Variants in CREB5 observed in about 807,000 individuals in gnomAD.
CREB5 encodes cAMP responsive element binding protein 5.
CREB5 carries 19 observed loss-of-function variants against 57.1 expected under a neutral mutation model. The observed-to-expected ratio is 0.33, with a 90% CI of 0.23 to 0.49. The LOEUF (loss-of-function observed/expected upper bound fraction) is 0.49. Among genes scored for constraint, CREB5 ranks in the 20% least tolerant of loss-of-function variants. CREB5 has a pLI of 0.99. For missense variants in CREB5, 579 were observed against 671.6 expected, an observed-to-expected ratio of 0.86 and a Z score of 1.52; for synonymous variants, 238 against 238.3, an observed-to-expected ratio of 1.00 and a Z score of 0.01.
intron 5 of CREB5, among the ~76,000 whole-genome samples, chr7:28,627,239 A>C (rs981519436): frequency 1.1e-4 from 17 of 152,220 alleles, no homozygotes; most frequent in African/African-American, 4.1e-4. Flanking sequence ...GGAGTTTCTG[A>C]TAGCCCAGCA....
chr7:28,725,571 A>G (rs745965523), intron 7 of CREB5, among the ~76,000 whole-genome samples: 3 of 152,070 alleles, frequency 2.0e-5, no homozygotes, highest in Non-Finnish European at 4.4e-5. Context: ...GAGCCAAACC[A>G]AATACTTGCT....
intron 1 of CREB5, among the ~76,000 whole-genome samples, chr7:28,432,747 C>T (rs1283604560): frequency 6.6e-6 from 1 of 152,180 alleles, no homozygotes; most frequent in Non-Finnish European, 1.5e-5. Flanking sequence ...ATTCCCTCAA[C>T]TTTCTTCTTT....
intron 4 of CREB5, among the ~76,000 whole-genome samples, chr7:28,560,730 AC>A (rs528162041): frequency 4.6e-5 from 7 of 151,844 alleles, no homozygotes; most frequent in Admixed American, 3.3e-4. Flanking sequence ...AGACCTGCTG[AC>A]CAGCCCTTTG....
At chr7:28,625,838 A>G (rs952686080) in intron 5 of CREB5, among the ~76,000 whole-genome samples, 5 of 152,248 alleles carry the variant, frequency 3.3e-5, no homozygotes, top group African/African-American at 1.2e-4. Flanking sequence ...TTAAAATGAC[A>G]TAATATCATA....
At chr7:28,563,940 G>A (rs1033967078) in intron 4 of CREB5, among the ~76,000 whole-genome samples, 1 of 152,142 alleles carries the variant, frequency 6.6e-6, no homozygotes, top group East Asian at 1.9e-4. Flanking sequence ...TGGTCATGGG[G>A]CAGCCTGTCC....
rs201358662 is a variant in CREB5 at position 28,438,894 on chromosome 7, G to A, written c.3+25977G>A. Among the ~76,000 whole-genome samples, 3 of 152,094 alleles carry A rather than the reference G, an allele frequency of 2.0e-5. No homozygotes were observed. In the East Asian group the frequency reaches 5.8e-4, roughly 29 times the overall value. ...TCCAACAGCAAGTTTTGAAATACAG[G>A]TCCAACATTTTTGTGGGAAAGGAGC... is the stretch of plus-strand genomic sequence containing the variant. On this transcript the variant is annotated intron_variant, in intron 1 of 10. Coordinates refer to ENST00000357727, the MANE Select transcript of CREB5 (RefSeq NM_182898.4).
At chr7:28,621,322 T>C (rs544138171) in intron 5 of CREB5, among the ~76,000 whole-genome samples, 1 of 152,258 alleles carries the variant, frequency 6.6e-6, no homozygotes, top group East Asian at 1.9e-4. Context: ...TGGGTTATGA[T>C]AGTTATGAAC....
chr7:28,490,476 G>T lies in CREB5; in HGVS notation c.75+2230G>T, dbSNP rs148707102. 3.8e-3 allele frequency among the ~76,000 whole-genome samples: 574 copies of T among 152,358 alleles called. 9 individuals carry two copies. Among genetic ancestry groups the T allele is most frequent in the African/African-American group, 0.013 (540 of 41,594 alleles). The stretch of plus-strand genomic sequence containing the variant: ...CAGGGTTGTGTAGGACAGTAGAGGA[G>T]AGTGTTTCAAGGAAGGGGCTGTAAG... On this transcript the variant is annotated intron_variant, in intron 2 of 10. Transcript: ENST00000357727.
chr7:28,716,495 T>G (rs60929414), intron 5 of CREB5, among the ~76,000 whole-genome samples: 18,105 of 152,172 alleles, frequency 0.12, 1,284 homozygotes, highest in Non-Finnish European at 0.15. Flanking sequence ...TCTATTGAGA[T>G]GGATATATAG....
intron 7 of CREB5, among the ~76,000 whole-genome samples, chr7:28,752,943 CAT>C (rs140077498): frequency 0.04 from 6,061 of 150,984 alleles, 172 homozygotes; most frequent in Middle Eastern, 0.068. Flanking sequence ...GGAAAATACA[CAT>C]GTTTTGTGGA....
At chr7:28,415,504 G>T (rs1416829990) in intron 1 of CREB5, among the ~76,000 whole-genome samples, 1 of 152,150 alleles carries the variant, frequency 6.6e-6, no homozygotes, top group East Asian at 1.9e-4. Flanking sequence ...TCTTTGGAAT[G>T]AACACCTTAA....
chr7:28,467,700 T>C lies in CREB5; in HGVS notation c.4-20475T>C, dbSNP rs529295774. On this transcript the variant is annotated intron_variant, in intron 1 of 10. Transcript: ENST00000357727. Reference sequence around the variant, plus strand: ...TATGAAGCTACCATGCAAATGTAAATGTTCCCTAGGATGGATAACAGAAAA... The same window carrying C: ...TATGAAGCTACCATGCAAATGTAAACGTTCCCTAGGATGGATAACAGAAAA... Among the ~76,000 whole-genome samples, 134 of 152,260 alleles carry C rather than the reference T, an allele frequency of 8.8e-4. 4 individuals are homozygous for C. In the South Asian group the frequency reaches 0.027, roughly 31 times the overall value.
chr7:28,551,498 G>A (rs1284052719), intron 4 of CREB5, among the ~76,000 whole-genome samples: 1 of 152,024 alleles, frequency 6.6e-6, no homozygotes, highest in Non-Finnish European at 1.5e-5. Context: ...AACCCTTTTT[G>A]TGTTTTAACT....
intron 1 of CREB5, among the ~76,000 whole-genome samples, chr7:28,479,281 A>G (rs1290477926): frequency 6.6e-6 from 1 of 152,216 alleles, no homozygotes; most frequent in African/African-American, 2.4e-5. Flanking sequence ...CATTCTGTGC[A>G]TTGCAGAATA....
At chr7:28,410,501 C>A (rs767059175), upstream of CREB5, 1 of 456,672 alleles carries the variant, frequency 2.2e-6, no homozygotes, top group Non-Finnish European at 4.4e-6. Context: ...AGCTGCATCC[C>A]GCTTCTTCTT....
At chr7:28,568,674 C>T (rs1475281715) in intron 4 of CREB5, among the ~76,000 whole-genome samples, 1 of 152,182 alleles carries the variant, frequency 6.6e-6, no homozygotes. Flanking sequence ...TAAGCCTGTT[C>T]CTGCCTTTGG....
chr7:28,505,228 G>T (rs1284804335), intron 3 of CREB5, among the ~76,000 whole-genome samples: 2 of 151,876 alleles, frequency 1.3e-5, no homozygotes, highest in African/African-American at 4.8e-5. Context: ...ATGCACACAC[G>T]CACGCACACA....
intron 5 of CREB5, among the ~76,000 whole-genome samples, chr7:28,699,347 A>G (rs529246942): frequency 1.3e-5 from 2 of 152,308 alleles, no homozygotes; most frequent in East Asian, 3.9e-4. Flanking sequence ...TAGACCAAGA[A>G]AAAGCTATCT....
chr7:28,537,846 G>A (rs1794027300), intron 4 of CREB5, among the ~76,000 whole-genome samples: 1 of 152,050 alleles, frequency 6.6e-6, no homozygotes, highest in African/African-American at 2.4e-5. Flanking sequence ...TTTGAATACC[G>A]TTTGGGTTTC....
Sources: allele counts gnomAD v4.1 joint callset (sites outside exome capture counted in the v4.1 genomes callset), GRCh38; gene constraint gnomAD v4.1.1; transcripts MANE v1.5; gene names NCBI Gene and HGNC (gene_info 2026-07-23, HGNC 2026-07-21).